Variants in STPG2 observed in about 807,000 individuals in gnomAD.
STPG2 encodes sperm-tail PG-rich repeat-containing protein 2.
Under a neutral mutation model 54.2 loss-of-function variants are expected in STPG2, and 56 were observed. The ratio of observed to expected loss-of-function variants is 1.03; its 90% CI spans 0.83 to 1.29. The LOEUF (loss-of-function observed/expected upper bound fraction) is 1.29, where lower values mean the gene tolerates loss of function less well. STPG2 is among the 50% of genes most tolerant of loss of function. The probability of loss-of-function intolerance (pLI) is 0.00; values close to 1 mark genes in which losing one functional copy is unlikely to be tolerated. For synonymous variants in STPG2, 200 were observed against 181.8 expected, an observed-to-expected ratio of 1.10 and a Z score of -0.81; for missense variants, 596 against 544.9, an observed-to-expected ratio of 1.09 and a Z score of -0.93.
chr4:97,665,402 C>T (rs925645379), intron 10 of STPG2, among the ~76,000 whole-genome samples: 6 of 152,112 alleles, frequency 3.9e-5, no homozygotes, highest in Non-Finnish European at 5.9e-5. Context: ...CTTTCTGTAG[C>T]GAGGATGTCC....
intron 8 of STPG2, among the ~76,000 whole-genome samples, chr4:97,924,248 C>T (rs1027899173): frequency 6.6e-5 from 10 of 152,172 alleles, no homozygotes; most frequent in African/African-American, 1.9e-4. Flanking sequence ...CGCGAGGGTC[C>T]GCGGCTTCAT....
At chr4:98,018,755 T>C in intron 5 of STPG2, among the ~76,000 whole-genome samples, 2 of 151,988 alleles carry the variant, frequency 1.3e-5, no homozygotes, top group Non-Finnish European at 2.9e-5. Context: ...GATTTGCATT[T>C]CCCTGATGGC....
At chr4:97,934,743 C>T (rs1413833436) in intron 8 of STPG2, among the ~76,000 whole-genome samples, 1 of 152,106 alleles carries the variant, frequency 6.6e-6, no homozygotes, top group Non-Finnish European at 1.5e-5. Flanking sequence ...TTTTGATGTG[C>T]TGGTTTTGGT....
At chr4:98,085,072 G>C (rs1738464746) in intron 5 of STPG2, among the ~76,000 whole-genome samples, 1 of 151,970 alleles carries the variant, frequency 6.6e-6, no homozygotes, top group Non-Finnish European at 1.5e-5. Context: ...CCTTTCAAAA[G>C]TTTCATAGAT....
chr4:97,777,981 C>A (rs1171974250), intron 9 of STPG2, among the ~76,000 whole-genome samples: 1 of 152,186 alleles, frequency 6.6e-6, no homozygotes, highest in African/African-American at 2.4e-5. Context: ...CAGCTCCCAG[C>A]ATGAGCGACA....
chr4:97,843,694 G>A (rs910464968), intron 8 of STPG2, among the ~76,000 whole-genome samples: 1 of 151,902 alleles, frequency 6.6e-6, no homozygotes, highest in African/African-American at 2.4e-5. Context: ...AGTGTTCCAG[G>A]AAGTTTAAAA....
chr4:97,864,273 C>T (rs548723739), intron 8 of STPG2, among the ~76,000 whole-genome samples: 12 of 148,712 alleles, frequency 8.1e-5, no homozygotes, highest in Non-Finnish European at 3.0e-5. Flanking sequence ...AATCAATGTG[C>T]AAAAATCACA....
chr4:98,046,446 G>A lies in STPG2; in HGVS notation c.612+59507C>T, dbSNP rs140669345. Among the ~76,000 whole-genome samples, 210 of 152,094 alleles carry A rather than the reference G, an allele frequency of 1.4e-3. 1 individual carries two copies. Among genetic ancestry groups the A allele is most frequent in the Non-Finnish European group, 2.3e-3 (156 of 67,984 alleles). ...ATTAGACTATAACTCTCCCAGTCTC[G>A]TCAGACTGGCCATGTGTAGGAGATG... On this transcript the variant is annotated intron_variant, in intron 5 of 10. Transcript: ENST00000295268.
intron 8 of STPG2, among the ~76,000 whole-genome samples, chr4:97,858,005 A>T (rs954661728): frequency 2.0e-5 from 3 of 151,966 alleles, no homozygotes; most frequent in Non-Finnish European, 4.4e-5. Context: ...TGGATGATAT[A>T]AAAAAATTAA....
intron 5 of STPG2, among the ~76,000 whole-genome samples, chr4:98,096,584 A>C (rs1578850595): frequency 6.6e-6 from 1 of 152,110 alleles, no homozygotes; most frequent in East Asian, 1.9e-4. Context: ...GAGCAAACCA[A>C]ACCCAAAATT....
At chr4:97,933,557 G>C (rs186003136) in intron 8 of STPG2, among the ~76,000 whole-genome samples, 28 of 152,276 alleles carry the variant, frequency 1.8e-4, no homozygotes, top group African/African-American at 6.5e-4. Flanking sequence ...GTAAGGAAGG[G>C]ATCCAGTTTC....
chr4:97,517,001 G>A (rs994639811), intron 4 of STPG2, among the ~76,000 whole-genome samples: 4 of 151,690 alleles, frequency 2.6e-5, no homozygotes, highest in Non-Finnish European at 4.4e-5. Context: ...TCCACCTCCC[G>A]GTCTCAAGTG....
intron 8 of STPG2, among the ~76,000 whole-genome samples, chr4:97,896,966 G>GT (rs1453706167): frequency 6.6e-6 from 1 of 151,838 alleles, no homozygotes; most frequent in African/African-American, 2.4e-5. Context: ...AGGTAAAGCT[G>GT]TGTCATGAGG....
At chr4:97,543,286 T>TG (rs1436170971) in intron 4 of STPG2, among the ~76,000 whole-genome samples, 1 of 151,656 alleles carries the variant, frequency 6.6e-6, no homozygotes, top group Non-Finnish European at 1.5e-5. Flanking sequence ...AAAAAATAAA[T>TG]TTTTCTGACT....
intron 4 of STPG2, among the ~76,000 whole-genome samples, chr4:97,535,329 A>G (rs1174145991): frequency 6.6e-6 from 1 of 152,196 alleles, no homozygotes; most frequent in Admixed American, 6.6e-5. Context: ...AAGCAAGTCC[A>G]TGAATATGTA....
At chr4:97,811,983 T>C (rs763730624) in intron 9 of STPG2, among the ~76,000 whole-genome samples, 1 of 152,144 alleles carries the variant, frequency 6.6e-6, no homozygotes, top group Non-Finnish European at 1.5e-5. Context: ...ACTTTTTCAT[T>C]AATATATTTT....
intron 1 of STPG2, among the ~76,000 whole-genome samples, chr4:98,135,548 G>C (rs1025149645): frequency 6.6e-6 from 1 of 151,766 alleles, no homozygotes; most frequent in Non-Finnish European, 1.5e-5. Flanking sequence ...AGAAAGAAGA[G>C]AAGTTCTCAT....
In STPG2 at chr4:97,495,316, A is replaced by G. The variant is rs909040710; in HGVS notation, c.462+217383T>C. On this transcript the variant is annotated intron_variant, in intron 4 of 4. Transcript: ENST00000522676. ...ATGCAATTCTATTTCTGTCTAAGCT[A>G]AAGTATAGCATAAAACCTAATATCT... 5.9e-5 allele frequency among the ~76,000 whole-genome samples: 9 copies of G among 151,620 alleles called. No homozygotes were observed. The East Asian group carries it at 1.8e-3, about 30-fold the overall frequency.
At position 98,079,335 on chromosome 4, in the gene STPG2, T is replaced by C. The variant is rs558393642; in HGVS notation, c.612+26618A>G. 7.2e-5 allele frequency among the ~76,000 whole-genome samples: 11 copies of C among 152,320 alleles called. No homozygotes were observed. The East Asian group carries it at 2.1e-3, about 29-fold the overall frequency. ...TAGGCCCAAAGGGCAGTGTTGGCAA[T>C]AATGATCCATCTGTTCACTACTGAC... On this transcript the variant is annotated intron_variant, in intron 5 of 10. Coordinates refer to ENST00000295268, the MANE Select transcript of STPG2 (RefSeq NM_174952.3).
Sources: gnomAD v4.1 joint callset for allele counts (sites outside exome capture counted in the v4.1 genomes callset) on GRCh38, gnomAD v4.1.1 for gene constraint, MANE v1.5 for transcripts, NCBI Gene and HGNC (gene_info 2026-07-23, HGNC 2026-07-21) for gene names.